PNKD: variants seen among roughly 807,000 people sequenced by gnomAD.
PNKD encodes the protein PNKD metallo-beta-lactamase domain containing.
In PNKD, 36 loss-of-function variants were observed where a neutral mutation model predicts 45.3. That is an observed-to-expected ratio of 0.80 (90% CI 0.61 to 1.05). The LOEUF (loss-of-function observed/expected upper bound fraction) is 1.05, where lower values mean the gene tolerates loss of function less well. PNKD is among the 50% of genes least tolerant of loss of function. PNKD has a pLI of 0.00. For synonymous variants in PNKD, 197 were observed against 210.1 expected (o/e 0.94, Z 0.54); for missense variants, 511 against 506.6 (o/e 1.01, Z -0.08).
At position 218,334,409 on chromosome 2, in the gene PNKD, A is replaced by G. The variant is rs183252372; in HGVS notation, c.237-5374A>G. Among the ~76,000 whole-genome samples the G allele has an allele frequency of 8.5e-5, 13 of 152,204 alleles. No homozygotes were observed. In the East Asian group the frequency reaches 2.5e-3, roughly 29 times the overall value. ...CCAGTCTGGGACAGTTTCTCAGTCT[A>G]TCTTTCATCTTGTCAATACATTTGA... On this transcript the variant is annotated intron_variant, in intron 2 of 9. Coordinates refer to ENST00000273077, the MANE Select transcript of PNKD (RefSeq NM_015488.5).
chr2:218,342,468 G>A (rs1306029092), intron 7 of PNKD, among the ~76,000 whole-genome samples: 1 of 152,084 alleles, frequency 6.6e-6, no homozygotes. Context: ...GGGAGGCTGA[G>A]GTGGGAGGAT....
In PNKD at chr2:218,340,926, A is replaced by G; in HGVS notation, c.524+140A>G. ...GCCTTCCTCGTGAAGTCACCTGGAC[A>G]CCAGCAGGGAGGGAGGAGAGGGGAC... is the stretch of plus-strand genomic sequence containing the variant. On this transcript the variant is annotated intron_variant, in intron 5 of 9. Transcript: ENST00000273077. The surrounding 1 kb of genome is among the most constrained non-coding windows in gnomAD (Gnocchi z 4.2). 1.4e-6 allele frequency: 1 copy of G among 736,508 alleles called. No homozygotes were observed. Among genetic ancestry groups the G allele is most frequent in the Non-Finnish European group, 2.5e-6 (1 of 405,016 alleles). The allele number at this position is 736,508 out of a possible 1,614,324, so 45.6% of individuals were successfully genotyped here.
chr2:218,278,672 G>GGGAAGCAACTCAACA, intron 2 of PNKD: 2 of 1,228,850 alleles, frequency 1.6e-6, no homozygotes, highest in Admixed American at 3.6e-5. Context: ...GAAGTCTGAG[G>GGGAAGCAACTCAACA]GGAAGCAACT....
At chr2:218,309,438 A>G (rs1044048899) in intron 2 of PNKD, among the ~76,000 whole-genome samples, 4 of 127,964 alleles carry the variant, frequency 3.1e-5, no homozygotes, top group African/African-American at 1.2e-4. Flanking sequence ...AAAAAAAAAA[A>G]GGAAAGAAAA....
intron 2 of PNKD, chr2:218,276,025 C>T: frequency 6.2e-7 from 1 of 1,611,690 alleles, no homozygotes; most frequent in Non-Finnish European, 8.5e-7. Flanking sequence ...CTGGGACTTA[C>T]CAGGGTGAAA....
At chr2:218,292,364 CT>C (rs2106244683) in intron 2 of PNKD, 1 of 152,394 alleles carries the variant, frequency 6.6e-6, no homozygotes, top group Non-Finnish European at 1.5e-5. Context: ...CGGGAGCGCG[CT>C]CCGAAAAGTT....
At chr2:218,281,012 CAT>C in intron 2 of PNKD, 1 of 151,048 alleles carries the variant, frequency 6.6e-6, no homozygotes, top group Admixed American at 6.6e-5. Context: ...AGGGTTTCAC[CAT>C]GTTGGCCAGG....
At chr2:218,299,432 G>A (rs1010269338) in intron 2 of PNKD, among the ~76,000 whole-genome samples, 7 of 151,256 alleles carry the variant, frequency 4.6e-5, no homozygotes, top group African/African-American at 7.3e-5. Flanking sequence ...GTGAGCCACC[G>A]CACCCGACCT....
At chr2:218,272,009 GT>G (rs1277740038) in intron 2 of PNKD, among the ~76,000 whole-genome samples, 1 of 152,210 alleles carries the variant, frequency 6.6e-6, no homozygotes, top group Non-Finnish European at 1.5e-5. Flanking sequence ...AGGTGTGCCA[GT>G]ACTTTGCCAT....
At chr2:218,323,943 C>G (rs933655281) in intron 2 of PNKD, among the ~76,000 whole-genome samples, 1 of 152,228 alleles carries the variant, frequency 6.6e-6, no homozygotes, top group African/African-American at 2.4e-5. Context: ...TTAGGTTCTT[C>G]TGTCCCAAGC....
At chr2:218,319,955 G>A (rs1693939890) in intron 2 of PNKD, among the ~76,000 whole-genome samples, 1 of 152,378 alleles carries the variant, frequency 6.6e-6, no homozygotes, top group Non-Finnish European at 1.5e-5. Flanking sequence ...GGGAAGGAAT[G>A]TTCCAAGGGG....
chr2:218,275,976 C>A, intron 2 of PNKD: 1 of 1,581,330 alleles, frequency 6.3e-7, no homozygotes, highest in Non-Finnish European at 8.6e-7. Flanking sequence ...TCCCTAGATT[C>A]CTCCCCTCAT....
chr2:218,315,936 G>C (rs902266992), intron 2 of PNKD, among the ~76,000 whole-genome samples: 2 of 152,228 alleles, frequency 1.3e-5, no homozygotes, highest in Admixed American at 1.3e-4. Context: ...GCATCTGTGG[G>C]CAGGCTGAGC....
chr2:218,280,725 T>A (rs566019287), intron 2 of PNKD: 2 of 152,844 alleles, frequency 1.3e-5, no homozygotes, highest in Admixed American at 1.3e-4. Flanking sequence ...AATGCCTGAA[T>A]GCCTCTTTGG....
In PNKD at chr2:218,346,547, C is replaced by A; in HGVS notation, c.*1566C>A. ...TCTCTCACGATCCCCTCAAAGGCCC[C>A]CTCCTCCAGGAAGGCAACCCCTGTG... On this transcript the variant is annotated 3_prime_UTR_variant, in exon 10 of 10. Coordinates refer to ENST00000273077, the MANE Select transcript of PNKD (RefSeq NM_015488.5). The A allele has an allele frequency of 6.5e-6, 1 of 154,176 alleles. No homozygotes were observed. The allele number at this position is 154,176 out of a possible 1,614,324, so 9.6% of individuals were successfully genotyped here.
At chr2:218,325,383 T>G (rs1694121830) in intron 2 of PNKD, among the ~76,000 whole-genome samples, 1 of 148,202 alleles carries the variant, frequency 6.7e-6, no homozygotes, top group South Asian at 2.2e-4. Flanking sequence ...AATTTTTGTA[T>G]TTTCAGTAGA....
rs188952352 is a variant in PNKD, at chr2:218,301,344, C to A, written c.236+29795C>A. Among the ~76,000 whole-genome samples the A allele has an allele frequency of 2.7e-4, 41 of 152,204 alleles. No individual in the cohort carries two copies. In the East Asian group the frequency reaches 5.6e-3, roughly 21 times the overall value. Reference sequence around the variant, plus strand: ...AATTCATCTTGGCCAGATGCCTAGCCCAGGGCCTGCACTCAGTACTTTCTG... The same window carrying A: ...AATTCATCTTGGCCAGATGCCTAGCACAGGGCCTGCACTCAGTACTTTCTG... On this transcript the variant is annotated intron_variant, in intron 2 of 9. Coordinates refer to ENST00000273077, the MANE Select transcript of PNKD (RefSeq NM_015488.5).
At chr2:218,288,492 C>T (rs921057114) in intron 2 of PNKD, among the ~76,000 whole-genome samples, 6 of 152,172 alleles carry the variant, frequency 3.9e-5, no homozygotes, top group East Asian at 1.9e-4. Context: ...TGAACCACTT[C>T]CAGTACTTAC....
intron 2 of PNKD, among the ~76,000 whole-genome samples, chr2:218,335,198 T>C (rs999531731): frequency 2.6e-5 from 4 of 151,484 alleles, no homozygotes; most frequent in Non-Finnish European, 4.4e-5. Context: ...TAAATAAAAA[T>C]GGGCTGGGCG....
Sources: gnomAD v4.1 joint callset for allele counts (sites outside exome capture counted in the v4.1 genomes callset) on GRCh38, gnomAD v4.1.1 for gene constraint, Gnocchi (gnomAD v3.1) non-coding constraint, MANE v1.5 for transcripts, NCBI Gene and HGNC (gene_info 2026-07-23, HGNC 2026-07-21) for gene names.